SHROOM3: variants seen among roughly 807,000 people sequenced by gnomAD.
SHROOM3 encodes the protein protein Shroom3.
In SHROOM3, 47 loss-of-function variants were observed where a neutral mutation model predicts 138.6. The observed-to-expected ratio is 0.34, with a 90% CI of 0.27 to 0.43. The LOEUF (loss-of-function observed/expected upper bound fraction) is 0.43. Among genes scored for constraint, SHROOM3 ranks in the 20% least tolerant of loss-of-function variants. The pLI, the probability that SHROOM3 is intolerant of heterozygous loss-of-function variation, is 1.00. For synonymous variants in SHROOM3, 1,062 were observed against 1,063.3 expected (o/e 1.00, Z 0.02); for missense variants, 2,491 against 2,596.5 (o/e 0.96, Z 0.88).
At chr4:76,493,197 G>A (rs1321870349) in intron 1 of SHROOM3, among the ~76,000 whole-genome samples, 4 of 141,214 alleles carry the variant, frequency 2.8e-5, no homozygotes, top group Non-Finnish European at 4.5e-5. Context: ...CTCCAGCCTG[G>A]GCAGCAACAG....
At chr4:76,497,948 G>A (rs1732003899) in intron 1 of SHROOM3, among the ~76,000 whole-genome samples, 1 of 152,212 alleles carries the variant, frequency 6.6e-6, no homozygotes, top group South Asian at 2.1e-4. Flanking sequence ...AGCACCCAAA[G>A]TGTATCGAGC....
intron 2 of SHROOM3, among the ~76,000 whole-genome samples, chr4:76,609,990 A>G (rs1002632859): frequency 1.3e-4 from 20 of 152,328 alleles, no homozygotes; most frequent in African/African-American, 4.8e-4. Context: ...CAAGGAGAGA[A>G]TGACTTTGAA....
chr4:76,756,857 T>G lies in SHROOM3; in HGVS notation c.5118T>G (p.Asp1706Glu). Residue 1706 changes from aspartate to glutamate, a missense_variant, in exon 8 of 11, where the codon GAT (aspartate) becomes GAG (glutamate). Asp to Glu is a conservative substitution (Grantham distance 45). This residue lies in a region of SHROOM3 where 470 missense variants were observed against 595.0 expected (regional missense o/e 0.79). Coordinates refer to ENST00000296043, the MANE Select transcript of SHROOM3 (RefSeq NM_020859.4). ...MDLMEGLFPRDVNLLKENSVK... is the reference protein window; with the variant it reads ...MDLMEGLFPREVNLLKENSVK... The stretch of plus-strand genomic sequence containing the variant: ...TGATGGAAGGTTTGTTTCCCCGAGA[T>G]GTGAACTTGCTGAAGGAAAACAGTG... 1 of 1,613,902 alleles carries G rather than the reference T, an allele frequency of 6.2e-7. No individual in the cohort carries two copies. The highest frequency in any genetic ancestry group is 1.1e-5 in the South Asian group (1 of 91,032).
chr4:76,714,647 C>T (rs191397166), intron 3 of SHROOM3, among the ~76,000 whole-genome samples: 1 of 152,316 alleles, frequency 6.6e-6, no homozygotes, highest in Admixed American at 6.5e-5. Flanking sequence ...TCCTGTTTCT[C>T]CTCAAACTTT....
chr4:76,488,091 G>A (rs1456119778), intron 1 of SHROOM3, among the ~76,000 whole-genome samples: 1 of 152,174 alleles, frequency 6.6e-6, no homozygotes, highest in Non-Finnish European at 1.5e-5. Context: ...TTAGCTTCTA[G>A]TATTGTGCTA....
At chr4:76,524,518 T>A (rs1256712632) in intron 1 of SHROOM3, among the ~76,000 whole-genome samples, 1 of 152,188 alleles carries the variant, frequency 6.6e-6, no homozygotes, top group Non-Finnish European at 1.5e-5. Context: ...TGAGTCTTGG[T>A]TCGAATGTTA....
intron 10 of SHROOM3, among the ~76,000 whole-genome samples, chr4:76,771,676 CA>C (rs1428809716): frequency 1.3e-5 from 2 of 152,216 alleles, no homozygotes; most frequent in East Asian, 1.9e-4. Flanking sequence ...CCACTGGAGA[CA>C]ATTCACCAAG....
In SHROOM3 at chr4:76,738,791, C is replaced by A; in HGVS notation, c.618C>A (p.Asp206Glu). ...CTACTAGTGACCTCTCCAACTATGA[C>A]CATGCTTATCTAAGGCGGAGCCCTG... is the stretch of plus-strand genomic sequence containing the variant. ...SSSTSDLSNYDHAYLRRSPDQ... is the reference protein window; with the variant it reads ...SSSTSDLSNYEHAYLRRSPDQ... Residue 206 changes from aspartate to glutamate, a missense_variant, in exon 5 of 11, where the codon GAC becomes GAA. Transcript: ENST00000296043. 3 of 1,614,258 alleles carry A rather than the reference C, an allele frequency of 1.9e-6. No homozygotes were observed. The highest frequency in any genetic ancestry group is 2.5e-6 in the Non-Finnish European group (3 of 1,180,042).
At chr4:76,455,727 C>A (rs569397309) in intron 1 of SHROOM3, among the ~76,000 whole-genome samples, 98 of 152,096 alleles carry the variant, frequency 6.4e-4, no homozygotes, top group Non-Finnish European at 6.2e-4. Context: ...ACCTGTAAGA[C>A]TGAAAAAGAT....
intron 2 of SHROOM3, among the ~76,000 whole-genome samples, chr4:76,603,838 C>CT (rs993165829): frequency 0.075 from 7,323 of 97,274 alleles, 425 homozygotes; most frequent in Non-Finnish European, 0.093. Context: ...ATCTTGTATT[C>CT]TTTTTTTTTT....
intron 2 of SHROOM3, among the ~76,000 whole-genome samples, chr4:76,668,162 G>T (rs1319776798): frequency 6.6e-6 from 1 of 151,880 alleles, no homozygotes; most frequent in East Asian, 1.9e-4. Flanking sequence ...AGACTCCGGC[G>T]CTCCCCATGG....
At chr4:76,511,179 T>G (rs1732328202) in intron 1 of SHROOM3, among the ~76,000 whole-genome samples, 1 of 132,452 alleles carries the variant, frequency 7.5e-6, no homozygotes, top group African/African-American at 3.2e-5. Context: ...GGAAACTCCA[T>G]CTCAAAAATA....
chr4:76,563,752 C>T (rs1560547044), intron 2 of SHROOM3, among the ~76,000 whole-genome samples: 1 of 152,148 alleles, frequency 6.6e-6, no homozygotes, highest in African/African-American at 2.4e-5. Context: ...CAAAACTGGT[C>T]TTGAAGCTCA....
chr4:76,759,904 G>A (rs1352525866), intron 9 of SHROOM3, among the ~76,000 whole-genome samples: 1 of 152,172 alleles, frequency 6.6e-6, no homozygotes, highest in Non-Finnish European at 1.5e-5. Context: ...GGGCAGGTAA[G>A]CTACTGTACT....
chr4:76,569,313 C>A (rs545171015), intron 2 of SHROOM3, among the ~76,000 whole-genome samples: 1 of 152,026 alleles, frequency 6.6e-6, no homozygotes. Flanking sequence ...AACTTTAGTA[C>A]GGGGTGGATG....
At chr4:76,450,918 G>A (rs1730913070) in intron 1 of SHROOM3, among the ~76,000 whole-genome samples, 1 of 151,638 alleles carries the variant, frequency 6.6e-6, no homozygotes. Flanking sequence ...AAACCACAAA[G>A]TAAATTATTA....
intron 2 of SHROOM3, among the ~76,000 whole-genome samples, chr4:76,562,961 T>C (rs1733629563): frequency 6.6e-6 from 1 of 152,118 alleles, no homozygotes; most frequent in Admixed American, 6.5e-5. Context: ...GTGCCAATTC[T>C]CAGATATGAA....
intron 1 of SHROOM3, among the ~76,000 whole-genome samples, chr4:76,477,818 A>G (rs1413138949): frequency 6.6e-6 from 1 of 152,146 alleles, no homozygotes; most frequent in African/African-American, 2.4e-5. Context: ...GGTGCAGCCC[A>G]TGGAGGGTGA....
In SHROOM3 at chr4:76,741,107, C is replaced by T; in HGVS notation, c.2934C>T (p.Ser978=). 7 of 1,549,064 alleles carry T rather than the reference C, an allele frequency of 4.5e-6. No homozygotes were observed. Among genetic ancestry groups the T allele is most frequent in the Non-Finnish European group, 6.1e-6 (7 of 1,146,980 alleles). The change falls in exon 5 of 11, where the codon TCC becomes TCT. Residue 978 remains serine (S), a synonymous_variant. Coordinates refer to ENST00000296043, the MANE Select transcript of SHROOM3 (RefSeq NM_020859.4). The surrounding 1 kb of genome is among the most constrained non-coding windows in gnomAD (Gnocchi z 6.2). Reference sequence around the variant, plus strand: ...GCCCCGAGGCGTCGGCCTCCGCCTCCCCGCACACGCCCCGGGAGCGGCACA... The same window carrying T: ...GCCCCGAGGCGTCGGCCTCCGCCTCTCCGCACACGCCCCGGGAGCGGCACA... ...LRSPEASASA[S]PHTPRERHSV... is the part of the protein sequence containing the mutation.
Sources: gnomAD v4.1 joint callset for allele counts (sites outside exome capture counted in the v4.1 genomes callset) on GRCh38, gnomAD v4.1.1 for gene constraint, gnomAD v4.1.1 regional missense constraint, Gnocchi (gnomAD v3.1) non-coding constraint, MANE v1.5 for transcripts, NCBI Gene and HGNC (gene_info 2026-07-23, HGNC 2026-07-21) for gene names.